GRIPAP1: variants seen among roughly 807,000 people sequenced by gnomAD.
The protein encoded by GRIPAP1 is GRIP1 associated protein 1.
In GRIPAP1, 14 loss-of-function variants were observed where a neutral mutation model predicts 84.1. The ratio of observed to expected loss-of-function variants is 0.17; its 90% CI spans 0.11 to 0.26. The LOEUF (loss-of-function observed/expected upper bound fraction) is 0.26. Among genes scored for constraint, GRIPAP1 ranks in the 10% least tolerant of loss-of-function variants. GRIPAP1 has a pLI of 1.00. For synonymous variants in GRIPAP1, 261 were observed against 256.8 expected, an observed-to-expected ratio of 1.02 and a Z score of -0.15; for missense variants, 518 against 674.2, an observed-to-expected ratio of 0.77 and a Z score of 2.57.
At chrX:48,997,898 G>C (rs2064556311) in intron 4 of GRIPAP1, 1 of 398,810 alleles carries the variant, frequency 2.5e-6, no homozygotes, top group Non-Finnish European at 4.3e-6. Context: ...AAATGAGTCA[G>C]AGAGACAGGA....
At chrX:48,980,313 T>A (rs2064448732) in intron 21 of GRIPAP1, among the ~76,000 whole-genome samples, 1 of 107,948 alleles carries the variant, frequency 9.3e-6, no homozygotes, top group Admixed American at 1.0e-4. Flanking sequence ...AGCTGTATAA[T>A]GAAAACACCA....
chrX:48,985,971 G>A (rs1272887344), intron 13 of GRIPAP1, among the ~76,000 whole-genome samples: 3 of 111,128 alleles, frequency 2.7e-5, no homozygotes, highest in Non-Finnish European at 5.7e-5. Context: ...AGCCGGGCGC[G>A]GTGGCTCATG....
chrX:48,987,538 C>A (rs2064497261), intron 13 of GRIPAP1, among the ~76,000 whole-genome samples: 1 of 100,602 alleles, frequency 9.9e-6, no homozygotes, highest in African/African-American at 3.7e-5. Context: ...CCTCTGCCTC[C>A]TGGGTCCTGG....
intron 4 of GRIPAP1, 141 bp from the exon 5 acceptor site, chrX:48,997,498 G>A (rs2064553911): frequency 2.2e-6 from 1 of 451,240 alleles, no homozygotes; most frequent in Non-Finnish European, 3.9e-6. Flanking sequence ...AGGAGAAAGA[G>A]ACATGGGGAG....
intron 7 of GRIPAP1, 96 bp from the exon 8 acceptor site, chrX:48,990,828 A>G: frequency 9.7e-7 from 1 of 1,029,339 alleles, no homozygotes; most frequent in Non-Finnish European, 1.4e-6. Context: ...ATCAGCCCAC[A>G]AGATGGTGAT....
At chrX:48,998,933 G>T in intron 3 of GRIPAP1, 1 of 294,583 alleles carries the variant, frequency 3.4e-6, no homozygotes, top group Non-Finnish European at 5.9e-6. Context: ...GTAGAGGATG[G>T]GAGGCAGATT....
intron 12 of GRIPAP1, 77 bp from the exon 13 acceptor site, chrX:48,987,954 GACACACACACACACAC>G (rs781921365): frequency 3.8e-4 from 135 of 358,252 alleles, no homozygotes; most frequent in African/African-American, 2.4e-3. Flanking sequence ...AGAAAGAAAG[GACACACACACACACAC>G]ACACACACAC....
chrX:48,983,077 G>C lies in GRIPAP1; in HGVS notation c.1501C>G (p.Leu501Val). Residue 501 changes from leucine (L) to valine (V), a missense_variant, in exon 17 of 26, where the codon CTG becomes GTG. Physicochemically the swap from Leu to Val is conservative, Grantham distance 32 (BLOSUM62 1). Transcript: ENST00000376423. ...TCCACTGTCTGCTGGAGAGTCTCCA[G>C]CTCCCGTGTCCGGGCCTGGGATGGG... The part of the protein sequence containing the change: ...IREEKARTRE[L>V]ETLQQTVEEL... 1 of 1,203,259 alleles carries C rather than the reference G, an allele frequency of 8.3e-7. No homozygotes were observed. Among genetic ancestry groups the C allele is most frequent in the Admixed American group, 2.2e-5 (1 of 46,118 alleles).
intron 5 of GRIPAP1, among the ~76,000 whole-genome samples, chrX:48,996,495 T>G (rs1202652137): frequency 8.9e-6 from 1 of 111,733 alleles, no homozygotes; most frequent in Non-Finnish European, 1.9e-5. Context: ...AATACAAAGT[T>G]AGCCAGGCAT....
chrX:48,985,614 C>G (rs1209707148), intron 13 of GRIPAP1, among the ~76,000 whole-genome samples: 1 of 112,174 alleles, frequency 8.9e-6, no homozygotes, highest in East Asian at 2.8e-4. Context: ...GAGAACAGAT[C>G]TGTGCTGCCA....
At chrX:48,991,297 T>G in intron 6 of GRIPAP1, 187 bp from the exon 7 acceptor site, 1 of 424,478 alleles carries the variant, frequency 2.4e-6, no homozygotes, top group East Asian at 3.9e-5. Flanking sequence ...TTTTTTTTTT[T>G]GAGACAGGGA....
At chrX:48,979,827 T>A (rs2064446033) in intron 21 of GRIPAP1, among the ~76,000 whole-genome samples, 1 of 110,373 alleles carries the variant, frequency 9.1e-6, no homozygotes, top group African/African-American at 3.3e-5. Flanking sequence ...TTGGCCAGGC[T>A]GGTCTTGAAC....
chrX:48,999,358 T>TGAAC (rs2064564087), intron 2 of GRIPAP1, 59 bp from the exon 3 acceptor site: 20 of 1,135,325 alleles, frequency 1.8e-5, no homozygotes, highest in Non-Finnish European at 2.4e-5. Flanking sequence ...CTGAAAGGCC[T>TGAAC]TCCTGCCAGG....
At chrX:48,992,167 G>A (rs929567975) in intron 6 of GRIPAP1, among the ~76,000 whole-genome samples, 1 of 111,156 alleles carries the variant, frequency 9.0e-6, no homozygotes, top group African/African-American at 3.3e-5. Context: ...CATCAAACCT[G>A]GCTAATTATT....
chrX:48,975,008 TGGA>T, intron 25 of GRIPAP1, 144 bp downstream of exon 25: 1 of 444,033 alleles, frequency 2.3e-6, no homozygotes, highest in Admixed American at 4.0e-5. Context: ...GAGAGCATGA[TGGA>T]GTAGTTGATG....
chrX:49,002,136 T>C, intron 1 of GRIPAP1, 52 bp downstream of exon 1: 3 of 873,087 alleles, frequency 3.4e-6, no homozygotes, highest in Admixed American at 4.9e-5. Context: ...GACCTCTCGC[T>C]ACCCCGCCCC....
intron 1 of GRIPAP1, among the ~76,000 whole-genome samples, chrX:49,001,375 A>AC (rs1557068556): frequency 1.2e-5 from 1 of 84,413 alleles, no homozygotes; most frequent in Non-Finnish European, 2.3e-5. Context: ...CCAGTGAGGA[A>AC]CCCTCTCAAC....
At chrX:49,000,364 C>CAA (rs1156902802) in intron 1 of GRIPAP1, among the ~76,000 whole-genome samples, 5 of 22,233 alleles carry the variant, frequency 2.2e-4, no homozygotes, top group Admixed American at 9.8e-4. Context: ...GACTCTGTCT[C>CAA]AAAAAAAAAA....
At chrX:48,978,475 CCT>C (rs782247782) in intron 21 of GRIPAP1, 40 bp from the exon 22 acceptor site, 12 of 1,136,041 alleles carry the variant, frequency 1.1e-5, no homozygotes, top group Non-Finnish European at 1.4e-5. Flanking sequence ...CCCCAATACC[CCT>C]GAGTCCCAGG....
Sources: gnomAD v4.1 joint callset for allele counts (sites outside exome capture counted in the v4.1 genomes callset) on GRCh38, gnomAD v4.1.1 for gene constraint, MANE v1.5 for transcripts, NCBI Gene and HGNC (gene_info 2026-07-23, HGNC 2026-07-21) for gene names.